The following KMT5B variants were observed in gnomAD, a reference collection of about 807,000 sequenced individuals.
KMT5B encodes the protein histone-lysine N-methyltransferase KMT5B.
KMT5B carries 10 observed loss-of-function variants against 83.2 expected under a neutral mutation model. The ratio of observed to expected loss-of-function variants is 0.12; its 90% confidence interval spans 0.07 to 0.20. The LOEUF (loss-of-function observed/expected upper bound fraction) is 0.20, where lower values mean the gene tolerates loss of function less well. Among genes scored for constraint, KMT5B ranks in the 10% least tolerant of loss-of-function variants. KMT5B has a pLI of 1.00. For synonymous variants in KMT5B, 349 were observed against 388.8 expected (o/e 0.90, Z 1.20); for missense variants, 753 against 1,067.2 (o/e 0.71, Z 4.10).
intron 3 of KMT5B, among the ~76,000 whole-genome samples, 165 bp downstream of exon 3, chr11:68,185,616 G>T (rs1001143301): frequency 3.3e-5 from 5 of 152,196 alleles, no homozygotes; most frequent in African/African-American, 1.2e-4. Flanking sequence ...AAGATTCCTG[G>T]AGTCTTTTCT....
At chr11:68,162,724 C>T (rs1854972788) in intron 10 of KMT5B, among the ~76,000 whole-genome samples, 1 of 152,072 alleles carries the variant, frequency 6.6e-6, no homozygotes, top group African/African-American at 2.4e-5. Context: ...TTTTTGAGCA[C>T]AAAATGGGTA....
intron 2 of KMT5B, among the ~76,000 whole-genome samples, chr11:68,186,421 A>C (rs1354384437): frequency 1.3e-5 from 2 of 152,234 alleles, no homozygotes; most frequent in African/African-American, 4.8e-5. Context: ...CAGGTGAATG[A>C]TTATTATCCC....
Position 68,157,518 on chromosome 11 carries a change from C to A in KMT5B, c.*170G>T, listed in dbSNP as rs1859386293. ...TTAAAAAGTACGATAAAAATTTGCA[C>A]AAATCAGACTTAAGAATTGAGTCAG... On this transcript the variant is annotated 3_prime_UTR_variant, in exon 11 of 11. Transcript: ENST00000304363. 2.9e-6 allele frequency: 3 copies of A among 1,017,834 alleles called. No homozygotes were observed. Among genetic ancestry groups the A allele is most frequent in the Non-Finnish European group, 2.6e-6 (2 of 779,614 alleles). 63.1% of individuals were successfully genotyped at this position (1,017,834 alleles called of 1,614,324 possible).
intron 4 of KMT5B, among the ~76,000 whole-genome samples, chr11:68,176,039 C>A (rs1856344937): frequency 6.6e-6 from 1 of 151,936 alleles, no homozygotes; most frequent in Admixed American, 6.6e-5. Context: ...CTCAGCCTCC[C>A]ATGTAGCTGG....
intron 10 of KMT5B, among the ~76,000 whole-genome samples, chr11:68,161,198 T>A (rs1037671962): frequency 9.2e-5 from 14 of 151,610 alleles, no homozygotes; most frequent in African/African-American, 2.9e-4. Flanking sequence ...TGATAGCAAA[T>A]TTTTTTTTAA....
At chr11:68,196,284 T>C (rs1362493029) in intron 1 of KMT5B, among the ~76,000 whole-genome samples, 2 of 152,012 alleles carry the variant, frequency 1.3e-5, no homozygotes, top group African/African-American at 4.8e-5. Context: ...AAGTCCCAGT[T>C]CAGTGTTCAC....
intron 4 of KMT5B, among the ~76,000 whole-genome samples, chr11:68,179,117 C>T (rs1390429860): frequency 2.6e-5 from 4 of 151,294 alleles, no homozygotes; most frequent in Non-Finnish European, 2.9e-5. Flanking sequence ...ATTTGACTTG[C>T]GTTTGCCATT....
intron 10 of KMT5B, among the ~76,000 whole-genome samples, chr11:68,162,199 C>G (rs1404537671): frequency 6.6e-6 from 1 of 152,146 alleles, no homozygotes; most frequent in Non-Finnish European, 1.5e-5. Flanking sequence ...CTATTGTTTT[C>G]CCAACAATCC....
chr11:68,179,932 T>C (rs912441278), intron 4 of KMT5B, 200 bp downstream of exon 4: 4 of 586,510 alleles, frequency 6.8e-6, no homozygotes, highest in Non-Finnish European at 1.1e-5. Flanking sequence ...AATGATTTGT[T>C]TCTCTTAAAA....
chr11:68,193,530 A>C (rs919946390), intron 1 of KMT5B, among the ~76,000 whole-genome samples: 1 of 152,034 alleles, frequency 6.6e-6, no homozygotes, highest in Non-Finnish European at 1.5e-5. Context: ...AAATCTGATC[A>C]ATGCTAAAGA....
intron 4 of KMT5B, among the ~76,000 whole-genome samples, chr11:68,178,929 T>C (rs1856643442): frequency 6.6e-6 from 1 of 152,166 alleles, no homozygotes; most frequent in Non-Finnish European, 1.5e-5. Context: ...GCCAGATAAT[T>C]TAGAACAGCC....
intron 10 of KMT5B, among the ~76,000 whole-genome samples, chr11:68,161,228 G>A (rs956200004): frequency 1.3e-5 from 2 of 151,972 alleles, no homozygotes; most frequent in Non-Finnish European, 2.9e-5. Flanking sequence ...TAGAAAATAA[G>A]AAAAAATAGG....
intron 1 of KMT5B, among the ~76,000 whole-genome samples, chr11:68,191,807 T>TA (rs1310290191): frequency 2.6e-5 from 4 of 152,214 alleles, no homozygotes; most frequent in Admixed American, 6.5e-5. Flanking sequence ...TGTACGGTGT[T>TA]AATAAAGTCT....
At position 68,158,974 on chromosome 11, in the gene KMT5B, A is replaced by T; in HGVS notation, c.1372T>A (p.Cys458Ser). ...LLSKIKLRNHCKRLEQKNASR... is the reference protein window; with the variant it reads ...LLSKIKLRNHSKRLEQKNASR... The stretch of plus-strand genomic sequence containing the variant: ...GCATTCTTTTGCTCCAGCCGCTTGC[A>T]ATGATTTCTCAATTTTATCTTTGAA... The change falls in exon 11 of 11, where the codon TGC becomes AGC. Residue 458 changes from cysteine (C) to serine (S), a missense_variant. Transcript: ENST00000304363. The T allele has an allele frequency of 6.2e-7, 1 of 1,612,180 alleles. No individual in the cohort carries two copies. Among genetic ancestry groups the T allele is most frequent in the Non-Finnish European group, 8.5e-7 (1 of 1,179,638 alleles).
At chr11:68,202,886 T>G (rs1356528125) in intron 1 of KMT5B, among the ~76,000 whole-genome samples, 2 of 152,090 alleles carry the variant, frequency 1.3e-5, no homozygotes, top group East Asian at 3.9e-4. Context: ...GCTGTGAACG[T>G]GGGTGTACAA....
intron 1 of KMT5B, among the ~76,000 whole-genome samples, chr11:68,198,013 T>C (rs927682238): frequency 2.6e-5 from 4 of 152,214 alleles, no homozygotes; most frequent in Admixed American, 6.5e-5. Context: ...CTGTTCTTGC[T>C]GGCATGATCT....
At chr11:68,172,311 C>G (rs1399376652) in intron 6 of KMT5B, among the ~76,000 whole-genome samples, 1 of 152,026 alleles carries the variant, frequency 6.6e-6, no homozygotes, top group Non-Finnish European at 1.5e-5. Flanking sequence ...CAGCTCACTG[C>G]AACCTCTGCC....
intron 2 of KMT5B, among the ~76,000 whole-genome samples, chr11:68,186,162 G>T (rs1857419806): frequency 6.6e-6 from 1 of 152,118 alleles, no homozygotes; most frequent in Non-Finnish European, 1.5e-5. Flanking sequence ...TCCCAAGAAT[G>T]GGGTCTGGGT....
Position 68,158,443 on chromosome 11 carries a change from AATC to A in KMT5B, c.1900_1902del (p.Asp634del), listed in dbSNP as rs781083698. On this transcript the variant is annotated inframe_deletion, in exon 11 of 11. Transcript: ENST00000304363. ...GGTACCGCGTCGTCTTTTCCAGGAG[AATC>A]GTGCACTGGAGTAGATTCCTCTATT... The A allele has an allele frequency of 1.9e-6, 3 of 1,614,092 alleles. No individual in the cohort carries two copies. The African/African-American group carries it at 4.0e-5, about 22-fold the overall frequency.
Sources: gnomAD v4.1 joint callset for allele counts (sites outside exome capture counted in the v4.1 genomes callset) on GRCh38, gnomAD v4.1.1 for gene constraint, MANE v1.5 for transcripts, NCBI Gene and HGNC (gene_info 2026-07-23, HGNC 2026-07-21) for gene names.